The following CACNA1S variants were observed in gnomAD, a reference collection of about 807,000 sequenced individuals.
CACNA1S encodes calcium voltage-gated channel subunit alpha1 S.
In CACNA1S, 126 loss-of-function variants were observed where a neutral mutation model predicts 207.4. That is an observed-to-expected ratio of 0.61 (90% confidence interval 0.53 to 0.70). CACNA1S has a LOEUF of 0.70. Ranked by LOEUF, CACNA1S falls within the 30% of genes least tolerant of loss-of-function variation. The pLI, the probability that CACNA1S is intolerant of heterozygous loss-of-function variation, is 0.00. For synonymous variants in CACNA1S, 960 were observed against 932.7 expected (o/e 1.03, Z -0.53); for missense variants, 2,349 against 2,422.8 (o/e 0.97, Z 0.64).
chr1:201,100,514 A>G (rs1662613009), intron 2 of CACNA1S, among the ~76,000 whole-genome samples: 1 of 152,204 alleles, frequency 6.6e-6, no homozygotes, highest in African/African-American at 2.4e-5. Context: ...TGGAATGGGT[A>G]TCCCTTGCCA....
Position 201,077,987 on chromosome 1 carries a change from A to C in CACNA1S, c.1511T>G (p.Val504Gly), listed in dbSNP as rs1347681040. ...SIFNRFDCFVVCSGILEILLV... is the reference protein window; with the variant it reads ...SIFNRFDCFVGCSGILEILLV... ...CAGGATCTCCAGGATACCGCTACAC[A>C]CCACGAAGCAGTCGAAGCGGTTGAA... Residue 504 changes from valine to glycine, a missense_variant, in exon 11 of 44, where the codon GTG (valine) becomes GGG (glycine). Transcript: ENST00000362061. 15 of 1,614,026 alleles carry C rather than the reference A, an allele frequency of 9.3e-6. No individual in the cohort carries two copies. Among genetic ancestry groups the C allele is most frequent in the Non-Finnish European group, 1.3e-5 (15 of 1,179,974 alleles).
chr1:201,060,984 T>C (rs1661026492), intron 25 of CACNA1S, among the ~76,000 whole-genome samples, 168 bp from the exon 26 acceptor site: 1 of 152,214 alleles, frequency 6.6e-6, no homozygotes, highest in Non-Finnish European at 1.5e-5. Context: ...TGGGTTCCCC[T>C]TGAGTTATCA....
chr1:201,089,082 G>A (rs1662130209), intron 6 of CACNA1S, among the ~76,000 whole-genome samples, 176 bp downstream of exon 6: 1 of 152,210 alleles, frequency 6.6e-6, no homozygotes, highest in Non-Finnish European at 1.5e-5. Context: ...CACATACCTG[G>A]GAACCAGAAA....
chr1:201,040,040 T>C lies in CACNA1S; in HGVS notation c.5413A>G (p.Asn1805Asp). The part of the protein sequence containing the change: ...GGLGTLAADA[N>D]FIMATGQALA... ...GCCTGGCCTGTTGCCATGATGAAGT[T>C]TGCATCAGCTGCCAAGGTGCCCAGG... The change falls in exon 44 of 44, where the codon AAC (asparagine) becomes GAC (aspartate). Residue 1805 changes from asparagine (N) to aspartate (D), a missense_variant. Asn to Asp is a conservative substitution (Grantham distance 23). Coordinates refer to ENST00000362061, the MANE Select transcript of CACNA1S (RefSeq NM_000069.3). The C allele has an allele frequency of 6.2e-7, 1 of 1,614,214 alleles. No homozygotes were observed.
At chr1:201,102,215 G>A (rs373524362) in intron 2 of CACNA1S, among the ~76,000 whole-genome samples, 76 of 152,270 alleles carry the variant, frequency 5.0e-4, no homozygotes, top group Middle Eastern at 3.4e-3. Context: ...GGTGAAGTGT[G>A]GGGCAGGCTC....
chr1:201,068,444 T>C (rs981861918), intron 19 of CACNA1S, among the ~76,000 whole-genome samples: 1 of 150,520 alleles, frequency 6.6e-6, no homozygotes, highest in East Asian at 2.0e-4. Flanking sequence ...GGTTTCATCA[T>C]GTTGGCCAGG....
intron 2 of CACNA1S, among the ~76,000 whole-genome samples, chr1:201,104,490 T>C (rs1029725892): frequency 6.6e-6 from 1 of 152,248 alleles, no homozygotes; most frequent in African/African-American, 2.4e-5. Context: ...TTTATTGCCC[T>C]GTAGGACATT....
chr1:201,057,361 C>A (rs1013467388), intron 28 of CACNA1S, among the ~76,000 whole-genome samples: 1 of 152,258 alleles, frequency 6.6e-6, no homozygotes, highest in African/African-American at 2.4e-5. Context: ...TTCTTCAGGC[C>A]TCTGCTCCAG....
intron 2 of CACNA1S, among the ~76,000 whole-genome samples, chr1:201,109,788 A>C (rs754053635): frequency 9.2e-5 from 14 of 152,220 alleles, no homozygotes; most frequent in Admixed American, 3.3e-4. Context: ...GGGGAAGAGA[A>C]ATTAGCATTC....
intron 22 of CACNA1S, among the ~76,000 whole-genome samples, 177 bp from the exon 23 acceptor site, chr1:201,062,691 A>G (rs1661105014): frequency 6.6e-6 from 1 of 152,212 alleles, no homozygotes. Flanking sequence ...GCAGGGCCCC[A>G]GAGCAGCCTC....
chr1:201,076,453 G>A (rs1253699696), intron 12 of CACNA1S, among the ~76,000 whole-genome samples: 1 of 152,224 alleles, frequency 6.6e-6, no homozygotes, highest in Admixed American at 6.5e-5. Context: ...CTTCTCACTG[G>A]GCCACAGCCA....
chr1:201,102,173 G>A (rs974329613), intron 2 of CACNA1S, among the ~76,000 whole-genome samples: 1 of 152,194 alleles, frequency 6.6e-6, no homozygotes, highest in Non-Finnish European at 1.5e-5. Context: ...CAAGAAAGGG[G>A]GAGGAGGGGG....
Position 201,040,069 on chromosome 1 carries a change from C to A in CACNA1S, c.5384G>T (p.Gly1795Val). The change falls in exon 44 of 44, where the codon GGG (glycine) becomes GTG (valine). Residue 1795 changes from glycine to valine, a missense_variant. Transcript: ENST00000362061. Reference protein sequence around the residue: ...ALLIQKALVRGGLGTLAADAN... With the variant: ...ALLIQKALVRVGLGTLAADAN... ...ATCAGCTGCCAAGGTGCCCAGGCCC[C>A]CTCGAACCAGAGCCTGCAGGGAGGA... 1 of 1,614,206 alleles carries A rather than the reference C, an allele frequency of 6.2e-7. No individual in the cohort carries two copies. Among genetic ancestry groups the A allele is most frequent in the South Asian group, 1.1e-5 (1 of 91,084 alleles).
At chr1:201,058,554 T>G in intron 27 of CACNA1S, 63 bp from the exon 28 acceptor site, 1 of 1,326,698 alleles carries the variant, frequency 7.5e-7, no homozygotes, top group Non-Finnish European at 1.1e-6. Flanking sequence ...CTCTGGCTGC[T>G]GGCAGAGGAC....
intron 27 of CACNA1S, among the ~76,000 whole-genome samples, chr1:201,058,887 C>A (rs1660943193): frequency 1.3e-5 from 2 of 152,178 alleles, no homozygotes; most frequent in African/African-American, 4.8e-5. Context: ...ACGAAAGAGA[C>A]AAGGCAAGAT....
In CACNA1S at chr1:201,053,667, C is replaced by T. The variant is rs1028964145; in HGVS notation, c.3667-80G>A. 8 of 1,454,388 alleles carry T rather than the reference C, an allele frequency of 5.5e-6. No homozygotes were observed. In the Admixed American group the frequency reaches 1.4e-4, roughly 26 times the overall value. 90.1% of individuals were successfully genotyped at this position (1,454,388 alleles called of 1,614,324 possible). On this transcript the variant is annotated intron_variant, in intron 29 of 43. Transcript: ENST00000362061. The surrounding 1 kb of genome is among the most constrained non-coding windows in gnomAD (Gnocchi z 5.1). The stretch of plus-strand genomic sequence containing the variant: ...GGGGCAGGGCGGGGAGGGAGGTGCA[C>T]TGTGTGTTTTGGGGAGATGTTTGTG...
chr1:201,041,625 G>T, intron 40 of CACNA1S, 36 bp from the exon 41 acceptor site: 1 of 1,498,578 alleles, frequency 6.7e-7, no homozygotes, highest in Non-Finnish European at 9.3e-7. Context: ...ACCAGAGAAG[G>T]CTGCTAGCTC....
chr1:201,060,847 C>A lies in CACNA1S; in HGVS notation c.3256-31G>T, dbSNP rs1242607638. 1.9e-6 allele frequency: 3 copies of A among 1,613,622 alleles called. No homozygotes were observed. In the Admixed American group the frequency reaches 5.0e-5, roughly 27 times the overall value. On this transcript the variant is annotated intron_variant, in intron 25 of 43. Transcript: ENST00000362061. ...ACACATACAACAGGACAGGTCAGCA[C>A]CAAGAGGCCCCTCCCTCCCTCTCCA...
chr1:201,073,473 AC>A (rs1275883034), intron 15 of CACNA1S, 75 bp downstream of exon 15: 25 of 1,195,010 alleles, frequency 2.1e-5, no homozygotes, highest in Non-Finnish European at 3.0e-5. Context: ...CCCCACCTGT[AC>A]CCTGTGGTAT....
Sources: gnomAD v4.1 joint callset for allele counts (sites outside exome capture counted in the v4.1 genomes callset) on GRCh38, gnomAD v4.1.1 for gene constraint, Gnocchi (gnomAD v3.1) non-coding constraint, MANE v1.5 for transcripts, NCBI Gene and HGNC (gene_info 2026-07-23, HGNC 2026-07-21) for gene names.